PDE8B: variants seen among roughly 807,000 people sequenced by gnomAD.
PDE8B encodes the protein phosphodiesterase 8B, also known as high affinity cAMP-specific and IBMX-insensitive 3',5'-cyclic phosphodiesterase 8B.
Under a neutral mutation model 101.3 loss-of-function variants are expected in PDE8B, and 26 were observed. That is an observed-to-expected ratio of 0.26 (90% CI 0.19 to 0.36). The LOEUF is 0.36. Among genes scored for constraint, PDE8B ranks in the 10% least tolerant of loss-of-function variants. The pLI, the probability that PDE8B is intolerant of heterozygous loss-of-function variation, is 1.00. For missense variants in PDE8B, 810 were observed against 1,163.1 expected (o/e 0.70, Z 4.42); for synonymous variants, 424 against 429.3 (o/e 0.99, Z 0.15).
chr5:77,404,371 G>A (rs527643391), intron 11 of PDE8B, among the ~76,000 whole-genome samples: 15 of 151,412 alleles, frequency 9.9e-5, no homozygotes, highest in East Asian at 2.0e-4. Context: ...TGATCCACCC[G>A]CCTGCCTCAG....
chr5:77,306,807 C>T (rs1771323787), intron 1 of PDE8B, among the ~76,000 whole-genome samples: 1 of 152,234 alleles, frequency 6.6e-6, no homozygotes, highest in African/African-American at 2.4e-5. Context: ...TTCCATCTGC[C>T]TACCCTGCAC....
intron 10 of PDE8B, among the ~76,000 whole-genome samples, chr5:77,392,993 A>G (rs1367956762): frequency 3.9e-5 from 6 of 152,240 alleles, no homozygotes; most frequent in Admixed American, 2.6e-4. Flanking sequence ...AAAAAAGCCT[A>G]TTAGCCAACT....
intron 1 of PDE8B, among the ~76,000 whole-genome samples, chr5:77,229,040 G>A (rs1752994151): frequency 6.6e-6 from 1 of 152,138 alleles, no homozygotes; most frequent in South Asian, 2.1e-4. Context: ...AAGAGAAGTT[G>A]ACAGAGGGAA....
chr5:77,405,269 C>T (rs996674351), intron 12 of PDE8B, among the ~76,000 whole-genome samples: 3 of 152,222 alleles, frequency 2.0e-5, no homozygotes, highest in Admixed American at 2.0e-4. Flanking sequence ...TTTAGCAAAA[C>T]ATTTTTTGAG....
chr5:77,215,708 G>A (rs948984457), intron 1 of PDE8B, among the ~76,000 whole-genome samples: 1 of 152,188 alleles, frequency 6.6e-6, no homozygotes, highest in African/African-American at 2.4e-5. Context: ...AGATTCTGTG[G>A]CACTAAACTG....
chr5:77,313,088 C>T (rs1773043211), intron 2 of PDE8B, among the ~76,000 whole-genome samples: 3 of 152,136 alleles, frequency 2.0e-5, no homozygotes, highest in African/African-American at 4.8e-5. Context: ...TAACTTCTTC[C>T]TTGTAAAAAC....
At chr5:77,324,132 T>C (rs1412662502) in intron 2 of PDE8B, among the ~76,000 whole-genome samples, 1 of 152,200 alleles carries the variant, frequency 6.6e-6, no homozygotes. Context: ...TATTGTTAAT[T>C]ATTTAAACCA....
At chr5:77,117,634 T>C in the PDE8B span, among the ~76,000 whole-genome samples, 1 of 152,198 alleles carries the variant, frequency 6.6e-6, no homozygotes, top group Admixed American at 6.5e-5. Context: ...CCTTGTTTAC[T>C]ATATACCAGA....
chr5:77,094,867 C>T, the PDE8B span, among the ~76,000 whole-genome samples: 1 of 152,066 alleles, frequency 6.6e-6, no homozygotes, highest in African/African-American at 2.4e-5. Context: ...GAACTCATAC[C>T]CCCCAGGTAG....
chr5:77,226,480 C>T (rs1021071082), intron 1 of PDE8B, among the ~76,000 whole-genome samples: 1 of 152,074 alleles, frequency 6.6e-6, no homozygotes, highest in Non-Finnish European at 1.5e-5. Flanking sequence ...TCAGCCAGTC[C>T]CCTATTGATG....
At chr5:77,359,339 G>A (rs1581228650) in intron 10 of PDE8B, among the ~76,000 whole-genome samples, 1 of 152,144 alleles carries the variant, frequency 6.6e-6, no homozygotes, top group African/African-American at 2.4e-5. Flanking sequence ...AGGGTAAACC[G>A]ATAACATTCT....
At chr5:77,280,696 C>A (rs1764794723) in intron 1 of PDE8B, among the ~76,000 whole-genome samples, 1 of 152,108 alleles carries the variant, frequency 6.6e-6, no homozygotes, top group Admixed American at 6.5e-5. Flanking sequence ...GAATTTGAGA[C>A]CAGCCTGACC....
chr5:77,107,066 G>A, the PDE8B span, among the ~76,000 whole-genome samples: 7 of 150,742 alleles, frequency 4.6e-5, no homozygotes, highest in South Asian at 4.2e-4. Context: ...CCTACCCTAC[G>A]ACAGGCCCCA....
At chr5:77,424,883 T>TGGC (rs1402332132) in intron 20 of PDE8B, among the ~76,000 whole-genome samples, 1 of 151,458 alleles carries the variant, frequency 6.6e-6, no homozygotes, top group African/African-American at 2.4e-5. Context: ...TGGAGTGCAG[T>TGGC]GGCAGTCCTG....
chr5:77,415,252 T>C (rs1795282557), intron 17 of PDE8B, among the ~76,000 whole-genome samples: 2 of 152,102 alleles, frequency 1.3e-5, no homozygotes, highest in African/African-American at 2.4e-5. Flanking sequence ...CTGAGGCCTC[T>C]TCTACCAGAT....
chr5:77,344,792 A>T, intron 6 of PDE8B, 61 bp from the exon 7 acceptor site: 1 of 1,068,436 alleles, frequency 9.4e-7, no homozygotes, highest in Non-Finnish European at 1.5e-6. Context: ...TTGTTAAATT[A>T]ACAGATGAAA....
At chr5:77,192,256 C>G in the PDE8B span, among the ~76,000 whole-genome samples, 1 of 152,042 alleles carries the variant, frequency 6.6e-6, no homozygotes, top group Non-Finnish European at 1.5e-5. Context: ...GTAATGTGTC[C>G]ACATAATCAC....
At chr5:77,176,830 C>T in the PDE8B span, among the ~76,000 whole-genome samples, 4 of 152,118 alleles carry the variant, frequency 2.6e-5, no homozygotes, top group Non-Finnish European at 4.4e-5. Context: ...GCTTTCGTTG[C>T]GTGATATTGA....
In PDE8B at chr5:77,265,955, G is replaced by A. The variant is rs181770223; in HGVS notation, c.340-46039G>A. Reference sequence around the variant, plus strand: ...TGAGAGTACTTTCTCTGAAACTGAAGAGAGAAGTGTCCTGATCCTAAAACC... The same window carrying A: ...TGAGAGTACTTTCTCTGAAACTGAAAAGAGAAGTGTCCTGATCCTAAAACC... On this transcript the variant is annotated intron_variant, in intron 1 of 21. Coordinates refer to ENST00000264917, the MANE Select transcript of PDE8B (RefSeq NM_003719.5). Among the ~76,000 whole-genome samples, 5 of 152,286 alleles carry A rather than the reference G, an allele frequency of 3.3e-5. No homozygotes were observed. The East Asian group carries it at 7.7e-4, about 24-fold the overall frequency.
Sources: allele counts gnomAD v4.1 joint callset (sites outside exome capture counted in the v4.1 genomes callset), GRCh38; gene constraint gnomAD v4.1.1; transcripts MANE v1.5; gene names NCBI Gene and HGNC (gene_info 2026-07-23, HGNC 2026-07-21).